CSMD1: variants seen among roughly 807,000 people sequenced by gnomAD.
The protein encoded by CSMD1 is CUB and Sushi multiple domains 1.
In CSMD1, 213 loss-of-function variants were observed where a neutral mutation model predicts 417.5. The observed-to-expected ratio is 0.51, with a 90% CI of 0.46 to 0.57. The LOEUF (loss-of-function observed/expected upper bound fraction) is 0.57. Ranked by LOEUF, CSMD1 falls within the 20% of genes least tolerant of loss-of-function variation. The pLI is 0.00. For synonymous variants in CSMD1, 2,862 were observed against 1,736.8 expected, an observed-to-expected ratio of 1.65 and a Z score of -16.11; for missense variants, 6,923 against 4,529.7, an observed-to-expected ratio of 1.53 and a Z score of -15.17.
intron 5 of CSMD1, among the ~76,000 whole-genome samples, chr8:3,856,205 A>G (rs977105557): frequency 6.6e-6 from 1 of 151,988 alleles, no homozygotes; most frequent in Non-Finnish European, 1.5e-5. Context: ...TTCTCATGAT[A>G]GAGTTCTCAT....
At chr8:4,723,787 TA>T (rs57096241) in intron 1 of CSMD1, among the ~76,000 whole-genome samples, 1 of 131,486 alleles carries the variant, frequency 7.6e-6, no homozygotes, top group Non-Finnish European at 1.6e-5. Flanking sequence ...CTTTCGAATG[TA>T]AAAAAAAAAA....
chr8:3,206,320 G>A (rs1286480685), intron 30 of CSMD1, among the ~76,000 whole-genome samples: 2 of 138,094 alleles, frequency 1.4e-5, no homozygotes, highest in Non-Finnish European at 3.1e-5. Context: ...ATCTGTGTGT[G>A]TGGTATGTGT....
intron 2 of CSMD1, among the ~76,000 whole-genome samples, chr8:4,581,666 T>A (rs1030136267): frequency 6.6e-6 from 1 of 152,220 alleles, no homozygotes; most frequent in East Asian, 1.9e-4. Context: ...TTCATTTGAA[T>A]CTGTCTATGC....
intron 5 of CSMD1, among the ~76,000 whole-genome samples, chr8:3,798,433 C>G (rs978423100): frequency 6.6e-6 from 1 of 151,956 alleles, no homozygotes; most frequent in Admixed American, 6.6e-5. Flanking sequence ...TGCAGTTTCA[C>G]TGATATACTC....
intron 23 of CSMD1, among the ~76,000 whole-genome samples, chr8:3,315,521 T>A (rs1196496757): frequency 6.6e-6 from 1 of 152,008 alleles, no homozygotes; most frequent in African/African-American, 2.4e-5. Context: ...GCTATTGTTT[T>A]CAAATTGAGT....
intron 3 of CSMD1, among the ~76,000 whole-genome samples, chr8:4,417,587 C>T (rs910146202): frequency 6.6e-6 from 1 of 152,008 alleles, no homozygotes; most frequent in East Asian, 1.9e-4. Context: ...CTTTATACGT[C>T]TTGGATTATA....
intron 2 of CSMD1, among the ~76,000 whole-genome samples, chr8:4,451,795 G>A (rs373366341): frequency 6.6e-6 from 1 of 152,050 alleles, no homozygotes; most frequent in African/African-American, 2.4e-5. Flanking sequence ...GATCCACAAT[G>A]CCATCTTAAA....
chr8:4,794,231 T>C (rs1797853405), intron 1 of CSMD1, among the ~76,000 whole-genome samples: 1 of 132,798 alleles, frequency 7.5e-6, no homozygotes. Flanking sequence ...TTATCACACT[T>C]TTTGTCAGTA....
intron 5 of CSMD1, among the ~76,000 whole-genome samples, chr8:3,880,773 G>A (rs1002153180): frequency 6.0e-4 from 92 of 152,138 alleles, no homozygotes; most frequent in African/African-American, 2.1e-3. Flanking sequence ...TTTGTCTCAC[G>A]AAAAACAATG....
At chr8:4,019,315 C>T (rs1415174517) in intron 4 of CSMD1, among the ~76,000 whole-genome samples, 1 of 152,156 alleles carries the variant, frequency 6.6e-6, no homozygotes, top group Non-Finnish European at 1.5e-5. Flanking sequence ...TGGAATGTTT[C>T]TGTGTCTCTC....
At chr8:3,833,235 C>T (rs1802472328) in intron 5 of CSMD1, among the ~76,000 whole-genome samples, 1 of 152,068 alleles carries the variant, frequency 6.6e-6, no homozygotes, top group South Asian at 2.1e-4. Context: ...GTAATTCTAA[C>T]CATATTACAC....
intron 1 of CSMD1, among the ~76,000 whole-genome samples, chr8:4,916,809 G>A (rs1046026952): frequency 6.6e-6 from 1 of 152,198 alleles, no homozygotes; most frequent in Non-Finnish European, 1.5e-5. Context: ...TATATTAAAA[G>A]TAGATAATGC....
intron 5 of CSMD1, among the ~76,000 whole-genome samples, chr8:3,876,812 A>T (rs1403525190): frequency 6.6e-6 from 1 of 152,168 alleles, no homozygotes; most frequent in African/African-American, 2.4e-5. Context: ...AGGTTTCACC[A>T]TGTTGCCCAA....
intron 3 of CSMD1, among the ~76,000 whole-genome samples, chr8:4,197,336 T>A (rs1015929414): frequency 6.6e-6 from 1 of 152,214 alleles, no homozygotes; most frequent in Non-Finnish European, 1.5e-5. Flanking sequence ...GGCCATAGGA[T>A]GCCCAGATAT....
At chr8:3,666,097 T>C (rs531532499) in intron 7 of CSMD1, among the ~76,000 whole-genome samples, 5 of 152,318 alleles carry the variant, frequency 3.3e-5, no homozygotes, top group East Asian at 3.9e-4. Context: ...TGTTTCACCA[T>C]GTTGGCCAGG....
chr8:4,559,846 C>A (rs1798249829), intron 2 of CSMD1, among the ~76,000 whole-genome samples: 1 of 152,224 alleles, frequency 6.6e-6, no homozygotes, highest in Non-Finnish European at 1.5e-5. Flanking sequence ...TCTTACCTTT[C>A]TCCACTTCAT....
intron 26 of CSMD1, among the ~76,000 whole-genome samples, chr8:3,241,067 G>T (rs528841086): frequency 1.4e-4 from 21 of 148,234 alleles, no homozygotes; most frequent in East Asian, 3.9e-4. Context: ...GGGTTAAGGT[G>T]AGGGGATACA....
At chr8:4,942,056 T>A in intron 1 of CSMD1, among the ~76,000 whole-genome samples, 1 of 152,360 alleles carries the variant, frequency 6.6e-6, no homozygotes, top group East Asian at 1.9e-4. Flanking sequence ...CTGGCTCTTC[T>A]ACTTTAAGAA....
intron 5 of CSMD1, among the ~76,000 whole-genome samples, chr8:3,795,927 T>C (rs1206713433): frequency 1.6e-5 from 1 of 62,140 alleles, no homozygotes; most frequent in African/African-American, 5.6e-5. Context: ...TAGATATCTA[T>C]CATGTACAGA....
Sources: allele counts gnomAD v4.1 joint callset (sites outside exome capture counted in the v4.1 genomes callset), GRCh38; gene constraint gnomAD v4.1.1; transcripts MANE v1.5; gene names NCBI Gene and HGNC (gene_info 2026-07-23, HGNC 2026-07-21).